The following MTA3 variants were observed in gnomAD, a reference collection of about 807,000 sequenced individuals.
The protein encoded by MTA3 is metastasis associated 1 family member 3.
MTA3 carries 34 observed loss-of-function variants against 83.5 expected under a neutral mutation model. That is an observed-to-expected ratio of 0.41 (90% CI 0.31 to 0.54). The LOEUF is 0.54. MTA3 is among the 20% of genes least tolerant of loss of function. The pLI is 0.33. For synonymous variants in MTA3, 303 were observed against 252.7 expected, an observed-to-expected ratio of 1.20 and a Z score of -1.89; for missense variants, 761 against 726.4, an observed-to-expected ratio of 1.05 and a Z score of -0.55.
chr2:42,496,512 G>C (rs1159239735), intron 2 of MTA3, among the ~76,000 whole-genome samples: 2 of 150,960 alleles, frequency 1.3e-5, no homozygotes, highest in Admixed American at 1.3e-4. Flanking sequence ...ATGGTATTTA[G>C]GGTCTTCATA....
At chr2:42,571,551 C>T (rs190378537) in intron 2 of MTA3, among the ~76,000 whole-genome samples, 5 of 152,188 alleles carry the variant, frequency 3.3e-5, no homozygotes, top group East Asian at 1.9e-4. Context: ...TAACTCAGAC[C>T]CTTTTTATGT....
chr2:42,661,304 A>G (rs1056397711), intron 8 of MTA3, among the ~76,000 whole-genome samples: 3 of 151,948 alleles, frequency 2.0e-5, no homozygotes, highest in African/African-American at 4.8e-5. Flanking sequence ...TTTGATACCA[A>G]GGTGGGCAAC....
chr2:42,612,687 C>G (rs1021394291), intron 4 of MTA3, among the ~76,000 whole-genome samples: 10 of 152,058 alleles, frequency 6.6e-5, no homozygotes, highest in Admixed American at 1.3e-4. Context: ...ATGGTGAAAC[C>G]TCCTCTCTAC....
At chr2:42,508,771 A>G (rs933286477) in intron 2 of MTA3, among the ~76,000 whole-genome samples, 17 of 147,164 alleles carry the variant, frequency 1.2e-4, no homozygotes, top group Non-Finnish European at 2.2e-4. Context: ...AGTATTATAT[A>G]ATATATTTAA....
At chr2:42,625,312 G>C (rs375587303) in intron 4 of MTA3, among the ~76,000 whole-genome samples, 1 of 151,616 alleles carries the variant, frequency 6.6e-6, no homozygotes, top group Admixed American at 6.6e-5. Context: ...GATTACAGGC[G>C]TGAGCCACCG....
intron 3 of MTA3, among the ~76,000 whole-genome samples, chr2:42,599,421 C>T (rs1263286340): frequency 4.0e-5 from 6 of 151,302 alleles, no homozygotes; most frequent in African/African-American, 1.2e-4. Context: ...AGTGAAACCC[C>T]GTCTCTACTA....
At chr2:42,616,485 C>T (rs945107318) in intron 4 of MTA3, among the ~76,000 whole-genome samples, 3 of 148,952 alleles carry the variant, frequency 2.0e-5, no homozygotes, top group African/African-American at 7.4e-5. Flanking sequence ...GGATTTGAAC[C>T]TTGTATGGGG....
chr2:42,723,745 T>C (rs1667603905), intron 16 of MTA3, among the ~76,000 whole-genome samples: 1 of 152,230 alleles, frequency 6.6e-6, no homozygotes, highest in Non-Finnish European at 1.5e-5. Context: ...ATTGTTTAAA[T>C]GTTGGCATTT....
At chr2:42,536,761 A>G (rs564249009) in intron 2 of MTA3, among the ~76,000 whole-genome samples, 2 of 148,338 alleles carry the variant, frequency 1.3e-5, no homozygotes, top group Non-Finnish European at 3.0e-5. Flanking sequence ...CAGGAGGCTG[A>G]GGCAGGAGAA....
intron 2 of MTA3, among the ~76,000 whole-genome samples, chr2:42,563,455 G>A (rs1358761399): frequency 1.3e-5 from 2 of 152,010 alleles, no homozygotes; most frequent in East Asian, 1.9e-4. Context: ...GCCACTGCAC[G>A]GACCAACCAT....
intron 2 of MTA3, among the ~76,000 whole-genome samples, chr2:42,498,059 T>C (rs1003332815): frequency 3.3e-5 from 5 of 152,180 alleles, no homozygotes; most frequent in Non-Finnish European, 7.3e-5. Flanking sequence ...CCAAACACCG[T>C]TTCCCCCAAA....
At chr2:42,511,397 A>G (rs539262003) in intron 2 of MTA3, among the ~76,000 whole-genome samples, 3 of 150,682 alleles carry the variant, frequency 2.0e-5, no homozygotes, top group African/African-American at 7.3e-5. Flanking sequence ...GTTTACTCTG[A>G]GATACATGTT....
At position 42,656,199 on chromosome 2, in the gene MTA3, G is replaced by A; in HGVS notation, c.500-1G>A. 1 of 1,610,620 alleles carries A rather than the reference G, an allele frequency of 6.2e-7. No individual in the cohort carries two copies. Among genetic ancestry groups the A allele is most frequent in the Non-Finnish European group, 8.5e-7 (1 of 1,177,248 alleles). ...ACTCCATTTTATTTATTTTTGGACAGGAGAATCAGATGAGAGGGAACAATC... is the reference window on the plus strand; with the variant it reads ...ACTCCATTTTATTTATTTTTGGACAAGAGAATCAGATGAGAGGGAACAATC... On this transcript the variant is annotated splice_acceptor_variant, in intron 6 of 16. Transcript: ENST00000405094. LOFTEE classifies it high-confidence loss of function.
At chr2:42,576,590 C>T (rs558805188) in intron 2 of MTA3, among the ~76,000 whole-genome samples, 2 of 149,784 alleles carry the variant, frequency 1.3e-5, no homozygotes, top group East Asian at 2.0e-4. Flanking sequence ...CATAATAAGA[C>T]CCCCCATCTC....
chr2:42,699,153 C>T (rs1478779319), intron 11 of MTA3, among the ~76,000 whole-genome samples: 10 of 152,182 alleles, frequency 6.6e-5, no homozygotes, highest in Non-Finnish European at 2.9e-5. Context: ...ACTATAGTCG[C>T]AAGCCAAATC....
intron 4 of MTA3, among the ~76,000 whole-genome samples, chr2:42,623,488 C>T (rs1685774597): frequency 2.0e-5 from 3 of 152,312 alleles, no homozygotes; most frequent in South Asian, 2.1e-4. Flanking sequence ...AGGCAGTGCT[C>T]TCCTAGCTTG....
At chr2:42,621,310 G>A (rs915160160) in intron 4 of MTA3, among the ~76,000 whole-genome samples, 2 of 152,254 alleles carry the variant, frequency 1.3e-5, no homozygotes, top group African/African-American at 4.8e-5. Flanking sequence ...CTGGGTACTT[G>A]AGATTAGGGA....
chr2:42,497,309 A>G (rs1437670792), intron 2 of MTA3, among the ~76,000 whole-genome samples: 1 of 150,306 alleles, frequency 6.7e-6, no homozygotes, highest in Admixed American at 6.6e-5. Context: ...CAAATTGGCC[A>G]GGCGCGGTGG....
At chr2:42,541,623 G>A (rs1158129573) in intron 2 of MTA3, among the ~76,000 whole-genome samples, 1 of 152,160 alleles carries the variant, frequency 6.6e-6, no homozygotes, top group Non-Finnish European at 1.5e-5. Flanking sequence ...TGTATTAAGT[G>A]TGTTTTTGAC....
Sources: allele counts gnomAD v4.1 joint callset (sites outside exome capture counted in the v4.1 genomes callset), GRCh38; gene constraint gnomAD v4.1.1; transcripts MANE v1.5; gene names NCBI Gene and HGNC (gene_info 2026-07-23, HGNC 2026-07-21).